SETBP1: variants seen among roughly 807,000 people sequenced by gnomAD.
SETBP1 encodes the protein SET binding protein 1, also known as SET-binding protein.
Under a neutral mutation model 101.0 loss-of-function variants are expected in SETBP1, and 9 were observed. The observed-to-expected ratio is 0.09, with a 90% confidence interval of 0.05 to 0.16. The LOEUF (loss-of-function observed/expected upper bound fraction) is 0.16. Ranked by LOEUF, SETBP1 falls within the 10% of genes least tolerant of loss-of-function variation. The pLI is 1.00. For missense variants in SETBP1, 1,858 were observed against 2,033.8 expected (o/e 0.91, Z 1.66); for synonymous variants, 818 against 788.5 (o/e 1.04, Z -0.63).
intron 5 of SETBP1, among the ~76,000 whole-genome samples, chr18:45,054,818 T>C (rs765345663): frequency 1.5e-4 from 23 of 152,208 alleles, no homozygotes; most frequent in Non-Finnish European, 3.1e-4. Flanking sequence ...CGTGGGCCCA[T>C]GAAATAACTG....
intron 2 of SETBP1, among the ~76,000 whole-genome samples, chr18:44,808,928 A>G (rs1195977432): frequency 3.3e-5 from 5 of 152,212 alleles, no homozygotes; most frequent in African/African-American, 1.2e-4. Context: ...GCAAAGCAGG[A>G]TTAGGTTCCC....
intron 2 of SETBP1, among the ~76,000 whole-genome samples, chr18:44,776,475 T>C (rs1037786641): frequency 6.6e-6 from 1 of 152,174 alleles, no homozygotes; most frequent in African/African-American, 2.4e-5. Flanking sequence ...TAAGACTCCA[T>C]CTAGCAAGTT....
chr18:44,963,715 C>A (rs1480135606), intron 4 of SETBP1, among the ~76,000 whole-genome samples: 3 of 150,716 alleles, frequency 2.0e-5, no homozygotes, highest in Admixed American at 6.6e-5. Context: ...TTAGGGAGAC[C>A]CCGTCTCTAT....
intron 2 of SETBP1, among the ~76,000 whole-genome samples, chr18:44,830,417 G>A (rs559750226): frequency 3.3e-5 from 5 of 152,302 alleles, no homozygotes; most frequent in Admixed American, 1.3e-4. Flanking sequence ...GATCTCAAAG[G>A]CTCTTTCCAG....
chr18:44,705,051 C>T (rs1568099659), intron 2 of SETBP1, among the ~76,000 whole-genome samples: 1 of 152,136 alleles, frequency 6.6e-6, no homozygotes, highest in African/African-American at 2.4e-5. Flanking sequence ...ACTAGGGAGT[C>T]ATCTGAATAT....
chr18:45,053,371 A>T (rs1320977962), intron 5 of SETBP1, among the ~76,000 whole-genome samples: 2 of 152,206 alleles, frequency 1.3e-5, no homozygotes, highest in African/African-American at 4.8e-5. Context: ...CAGATGAAGG[A>T]TTAGAGGATG....
At chr18:45,021,225 A>G (rs2073059164) in intron 4 of SETBP1, among the ~76,000 whole-genome samples, 1 of 152,268 alleles carries the variant, frequency 6.6e-6, no homozygotes, top group Admixed American at 6.5e-5. Context: ...TAAACAAGGC[A>G]TGAAATTTGA....
At chr18:44,838,367 C>T (rs2072540588) in intron 2 of SETBP1, among the ~76,000 whole-genome samples, 1 of 152,094 alleles carries the variant, frequency 6.6e-6, no homozygotes, top group South Asian at 2.1e-4. Context: ...TCAATATATG[C>T]CAGAACAGTG....
chr18:44,962,163 T>C (rs753039948), intron 4 of SETBP1, among the ~76,000 whole-genome samples: 17 of 152,150 alleles, frequency 1.1e-4, no homozygotes, highest in Non-Finnish European at 2.2e-4. Flanking sequence ...TGCTAACTCA[T>C]TGGCCAACAA....
intron 2 of SETBP1, among the ~76,000 whole-genome samples, chr18:44,790,352 A>T (rs1599132106): frequency 6.6e-6 from 1 of 152,244 alleles, no homozygotes. Flanking sequence ...CTTCCAAAGT[A>T]TTAGCACCAC....
intron 2 of SETBP1, among the ~76,000 whole-genome samples, chr18:44,791,628 G>A (rs2071372867): frequency 6.6e-6 from 1 of 151,992 alleles, no homozygotes; most frequent in African/African-American, 2.4e-5. Context: ...TCGCTGTCTG[G>A]TCATCCATGC....
chr18:44,719,179 C>CA (rs1433391486), intron 2 of SETBP1, among the ~76,000 whole-genome samples: 1 of 151,816 alleles, frequency 6.6e-6, no homozygotes, highest in African/African-American at 2.4e-5. Flanking sequence ...GAACAGAATC[C>CA]AAAAAAAGTA....
intron 4 of SETBP1, chr18:44,987,894 AG>A (rs1282270011): frequency 2.0e-5 from 3 of 152,236 alleles, no homozygotes; most frequent in African/African-American, 7.2e-5. Flanking sequence ...AGACATATAT[AG>A]ATACAGCTAT....
At chr18:44,790,598 C>G (rs890378068) in intron 2 of SETBP1, among the ~76,000 whole-genome samples, 11 of 152,180 alleles carry the variant, frequency 7.2e-5, no homozygotes, top group African/African-American at 2.7e-4. Flanking sequence ...AAGTATATTC[C>G]CAGGATTCCT....
intron 2 of SETBP1, among the ~76,000 whole-genome samples, chr18:44,799,485 A>C (rs1211888196): frequency 6.6e-6 from 1 of 151,734 alleles, no homozygotes; most frequent in Non-Finnish European, 1.5e-5. Context: ...CTAAAACTGC[A>C]CTCTTGCGCA....
At chr18:45,013,277 G>A (rs1246765700) in intron 4 of SETBP1, among the ~76,000 whole-genome samples, 1 of 152,152 alleles carries the variant, frequency 6.6e-6, no homozygotes, top group Non-Finnish European at 1.5e-5. Context: ...AACACACCAC[G>A]AAGGATGCTA....
chr18:44,747,411 GA>G (rs925896206), intron 2 of SETBP1, among the ~76,000 whole-genome samples: 194 of 150,490 alleles, frequency 1.3e-3, no homozygotes, highest in African/African-American at 4.2e-3. Context: ...ATCCTCAGAA[GA>G]AAAAAAAAAT....
At chr18:44,929,415 TG>T (rs2070775446) in intron 3 of SETBP1, among the ~76,000 whole-genome samples, 1 of 152,198 alleles carries the variant, frequency 6.6e-6, no homozygotes, top group East Asian at 1.9e-4. Context: ...CTTGGCAATG[TG>T]GGCTCTTTTT....
chr18:44,965,284 A>AACACACACACACACACACACACAC, intron 4 of SETBP1, among the ~76,000 whole-genome samples: 1 of 147,132 alleles, frequency 6.8e-6, no homozygotes, highest in Admixed American at 6.8e-5. Context: ...CATGCACACA[A>AACACACACACACACACACACACAC]ACACACACAC....
Sources: gnomAD v4.1 joint callset for allele counts (sites outside exome capture counted in the v4.1 genomes callset) on GRCh38, gnomAD v4.1.1 for gene constraint, MANE v1.5 for transcripts, NCBI Gene and HGNC (gene_info 2026-07-23, HGNC 2026-07-21) for gene names.